FBXW11: variants seen among roughly 807,000 people sequenced by gnomAD.
FBXW11 encodes the protein F-box and WD repeat domain containing 11.
Under a neutral mutation model 77.6 loss-of-function variants are expected in FBXW11, and 19 were observed. The observed-to-expected ratio is 0.24, with a 90% confidence interval of 0.17 to 0.36. The LOEUF (loss-of-function observed/expected upper bound fraction) is 0.36. FBXW11 is among the 10% of genes least tolerant of loss of function. FBXW11 has a pLI of 1.00. For synonymous variants in FBXW11, 235 were observed against 249.4 expected, an observed-to-expected ratio of 0.94 and a Z score of 0.54; for missense variants, 334 against 704.2, an observed-to-expected ratio of 0.47 and a Z score of 5.95.
chr5:172,006,543 G>A lies in FBXW11; in HGVS notation c.-41C>T, dbSNP rs1321322481. 1 of 1,485,208 alleles carries A rather than the reference G, an allele frequency of 6.7e-7. No homozygotes were observed. The highest frequency in any genetic ancestry group is 2.9e-5 in the East Asian group (1 of 34,150). The allele number at this position is 1,485,208 out of a possible 1,614,324, so 92.0% of individuals were successfully genotyped here. A position where few individuals can be genotyped will look rare whatever the true frequency, so the allele number is the denominator to read the frequency against. The stretch of plus-strand genomic sequence containing the variant: ...CCCGCCTCGCTCTCCCCGCGCAGCA[G>A]CGAACGGCCCGGGCGGAGGAGGCGA... On this transcript the variant is annotated 5_prime_UTR_variant, in exon 1 of 14. Coordinates refer to ENST00000517395, the MANE Select transcript of FBXW11 (RefSeq NM_001378974.1).
At chr5:171,985,833 A>C (rs1275646574) in intron 1 of FBXW11, among the ~76,000 whole-genome samples, 3 of 152,144 alleles carry the variant, frequency 2.0e-5, no homozygotes, top group African/African-American at 7.2e-5. Flanking sequence ...AGCAGTCCCA[A>C]CTACTTGGGA....
intron 1 of FBXW11, among the ~76,000 whole-genome samples, chr5:171,977,956 G>A (rs1398983577): frequency 6.6e-6 from 1 of 152,062 alleles, no homozygotes; most frequent in Non-Finnish European, 1.5e-5. Context: ...AATAAAAAAA[G>A]AACTGACTGC....
At chr5:171,878,555 T>A (rs958067742) in intron 7 of FBXW11, among the ~76,000 whole-genome samples, 16 of 41,822 alleles carry the variant, frequency 3.8e-4, no homozygotes, top group South Asian at 3.3e-3. Context: ...TCCATAAGAG[T>A]GTGTGAGTGT....
intron 7 of FBXW11, among the ~76,000 whole-genome samples, chr5:171,884,224 G>A (rs1370861929): frequency 2.0e-5 from 3 of 152,204 alleles, no homozygotes; most frequent in Non-Finnish European, 4.4e-5. Flanking sequence ...TATAAGGTGA[G>A]AGATGAGGAT....
intron 1 of FBXW11, among the ~76,000 whole-genome samples, chr5:171,963,591 C>CT (rs1230872196): frequency 6.6e-6 from 1 of 152,106 alleles, no homozygotes; most frequent in African/African-American, 2.4e-5. Flanking sequence ...ATGTGAATGA[C>CT]TTTTTTTTCT....
At chr5:171,964,319 A>G (rs978996860) in intron 1 of FBXW11, among the ~76,000 whole-genome samples, 31 of 152,368 alleles carry the variant, frequency 2.0e-4, no homozygotes, top group South Asian at 8.3e-4. Flanking sequence ...TAAAAGATCA[A>G]TTTCATGGGG....
rs1178970231 is a variant in FBXW11, at chr5:171,926,327, A to G, written c.148-11922T>C. 5.9e-5 allele frequency among the ~76,000 whole-genome samples: 9 copies of G among 152,188 alleles called. 1 individual carries two copies. Among genetic ancestry groups the G allele is most frequent in the Admixed American group, 5.9e-4 (9 of 15,288 alleles). On this transcript the variant is annotated intron_variant, in intron 2 of 13. Coordinates refer to ENST00000517395, the MANE Select transcript of FBXW11 (RefSeq NM_001378974.1). ...GGTGAAAACAGGGCCTCCCTGGCAG[A>G]GTAAGTGAGAAAATTTTAAGAGATA... is the stretch of plus-strand genomic sequence containing the variant.
chr5:171,886,769 T>G (rs1226586152), intron 7 of FBXW11, among the ~76,000 whole-genome samples: 1 of 152,076 alleles, frequency 6.6e-6, no homozygotes, highest in African/African-American at 2.4e-5. Context: ...ATCTCAGCAC[T>G]TTGGTAGGCC....
chr5:171,952,434 TATA>T (rs1763377437), intron 2 of FBXW11, among the ~76,000 whole-genome samples: 1 of 15,582 alleles, frequency 6.4e-5, no homozygotes, highest in Non-Finnish European at 1.3e-4. Flanking sequence ...TATATATATA[TATA>T]TATATATATA....
intron 2 of FBXW11, among the ~76,000 whole-genome samples, chr5:171,915,613 C>CTGTGTGTGTGTG (rs200618306): frequency 0.28 from 35,583 of 129,258 alleles, 5,718 homozygotes; most frequent in Middle Eastern, 0.36. Flanking sequence ...GTCACTCATT[C>CTGTGTGTGTGTG]TGTGTGTGTG....
chr5:171,947,923 T>C (rs114846913), intron 2 of FBXW11, among the ~76,000 whole-genome samples: 3,290 of 151,788 alleles, frequency 0.022, 121 homozygotes, highest in African/African-American at 0.074. Context: ...CCTAAAAAAA[T>C]AGAAACTTTA....
At chr5:172,003,458 C>T (rs2113626760) in intron 1 of FBXW11, 1 of 152,304 alleles carries the variant, frequency 6.6e-6, no homozygotes, top group South Asian at 2.1e-4. Context: ...TTTTCTGCCT[C>T]ATTCATAAGG....
chr5:171,940,111 C>T (rs745452677), intron 2 of FBXW11, among the ~76,000 whole-genome samples: 5 of 152,202 alleles, frequency 3.3e-5, no homozygotes, highest in Middle Eastern at 3.4e-3. Context: ...CCATGGAATG[C>T]GGAGGGCCCA....
At chr5:171,932,173 C>T (rs1401964945) in intron 2 of FBXW11, among the ~76,000 whole-genome samples, 1 of 152,026 alleles carries the variant, frequency 6.6e-6, no homozygotes, top group African/African-American at 2.4e-5. Flanking sequence ...CCATGCCTGG[C>T]CTAGAAACAA....
chr5:171,907,078 A>G (rs1204051909), intron 4 of FBXW11, among the ~76,000 whole-genome samples: 3 of 152,228 alleles, frequency 2.0e-5, no homozygotes, highest in Non-Finnish European at 4.4e-5. Flanking sequence ...CATTAACAAC[A>G]GTTCTTACAA....
At chr5:171,930,754 T>G (rs200263396) in intron 2 of FBXW11, among the ~76,000 whole-genome samples, 1 of 32,332 alleles carries the variant, frequency 3.1e-5, no homozygotes, top group African/African-American at 8.5e-5. Flanking sequence ...AAATAAAAAA[T>G]AAAAAAATAA....
At chr5:171,958,991 C>T (rs1763759309) in intron 1 of FBXW11, among the ~76,000 whole-genome samples, 1 of 151,446 alleles carries the variant, frequency 6.6e-6, no homozygotes, top group South Asian at 2.1e-4. Context: ...TCTATTATCA[C>T]CCAACTGCAA....
chr5:172,006,401 A>G (rs1766777335), intron 1 of FBXW11, 57 bp downstream of exon 1: 2 of 1,465,786 alleles, frequency 1.4e-6, no homozygotes, highest in African/African-American at 2.9e-5. Context: ...TGAGGTGGGC[A>G]GGCCCGCCCG....
intron 2 of FBXW11, among the ~76,000 whole-genome samples, chr5:171,942,764 C>T (rs1762814799): frequency 6.6e-6 from 1 of 152,012 alleles, no homozygotes; most frequent in South Asian, 2.1e-4. Context: ...ATCACACCAC[C>T]GTACTCTGGC....
Sources: allele counts gnomAD v4.1 joint callset (sites outside exome capture counted in the v4.1 genomes callset), GRCh38; gene constraint gnomAD v4.1.1; transcripts MANE v1.5; gene names NCBI Gene and HGNC (gene_info 2026-07-23, HGNC 2026-07-21).